Variants in OR6F1 observed in about 807,000 individuals in gnomAD.
The protein encoded by OR6F1 is olfactory receptor family 6 subfamily F member 1, also known as olfactory receptor 6F1.
For missense variants in OR6F1, 346 were observed against 376.0 expected (o/e 0.92, Z 0.66); for synonymous variants, 144 against 150.0 (o/e 0.96, Z 0.29).
Position 247,716,314 on chromosome 1 carries a change from T to A in OR6F1, c.-127+17A>T, listed in dbSNP as rs1660104053. ...TGGACAGAACTTGTCGAATGCATAA[T>A]CACCCTTTTCACTTACCCAGTTGAA... On this transcript the variant is annotated intron_variant, in intron 1 of 2. Transcript: ENST00000641470. 1 of 152,164 alleles carries A rather than the reference T, an allele frequency of 6.6e-6. No homozygotes were observed. The highest frequency in any genetic ancestry group is 6.5e-5 in the Admixed American group (1 of 15,272). 9.4% of individuals were successfully genotyped at this position (152,164 alleles called of 1,614,324 possible).
Position 247,715,530 on chromosome 1 carries a change from C to T in OR6F1, c.-127+801G>A, listed in dbSNP as rs534957442. ...ACGTGAAGCACATGATGATCAACCC[C>T]ACATGTGAAAACCTGTATATATTGC... On this transcript the variant is annotated intron_variant, in intron 1 of 2. Coordinates refer to ENST00000641470, the MANE Select transcript of OR6F1 (RefSeq NM_001005286.2). 1.3e-4 allele frequency among the ~76,000 whole-genome samples: 20 copies of T among 152,274 alleles called. No homozygotes were observed. The South Asian group carries it at 4.1e-3, about 32-fold the overall frequency.
At position 247,711,820 on chromosome 1, in the gene OR6F1, A is replaced by G. The variant is rs970178361; in HGVS notation, c.*9T>C. ...CCATTTACAGGACATCTGTTGTGGT[A>G]GAGGAGATTTATTTTCCCTTCCATT... On this transcript the variant is annotated 3_prime_UTR_variant, in exon 3 of 3. Transcript: ENST00000641470. 5 of 1,573,990 alleles carry G rather than the reference A, an allele frequency of 3.2e-6. No individual in the cohort carries two copies. The highest frequency in any genetic ancestry group is 2.7e-5 in the African/African-American group (2 of 74,052).
rs1572459833 is a variant in OR6F1, at chr1:247,711,627, T to TA, written c.*201dup. ...ATTCAATGTATAATTATTTTTTGCTTAAAAATCCCATTTGCTTATGTCAAA... is the reference window on the plus strand; with the variant it reads ...ATTCAATGTATAATTATTTTTTGCTTAAAAAATCCCATTTGCTTATGTCAAA... On this transcript the variant is annotated 3_prime_UTR_variant, in exon 3 of 3. Coordinates refer to ENST00000641470, the MANE Select transcript of OR6F1 (RefSeq NM_001005286.2). The TA allele has an allele frequency of 2.2e-6, 1 of 462,682 alleles. No homozygotes were observed. Among genetic ancestry groups the TA allele is most frequent in the Non-Finnish European group, 3.8e-6 (1 of 262,882 alleles). 28.7% of individuals were successfully genotyped at this position (462,682 alleles called of 1,614,324 possible).
intron 1 of OR6F1, among the ~76,000 whole-genome samples, chr1:247,714,652 A>T (rs886556330): frequency 6.6e-6 from 1 of 152,146 alleles, no homozygotes; most frequent in Non-Finnish European, 1.5e-5. Flanking sequence ...GAAGAAGGAA[A>T]ATATTTTTTT....
In OR6F1 at chr1:247,712,358, C is replaced by T. The variant is rs1340300723; in HGVS notation, c.398G>A (p.Gly133Glu). The T allele has an allele frequency of 3.7e-6, 6 of 1,614,022 alleles. No individual in the cohort carries two copies. The African/African-American group carries it at 6.7e-5, about 18-fold the overall frequency. ...TGAGAGCAGGCTACTCATGATGGCT[C>T]CGTAGTGTAAAGGATAGCAGATGGC... ...CLAICYPLHY[G>E]AIMSSLLSAQ... Residue 133 changes from glycine to glutamate, a missense_variant, in exon 3 of 3, where the codon GGA becomes GAA. By Grantham distance (98) the Gly-to-Glu change is moderately conservative. Transcript: ENST00000641470.
Position 247,711,848 on chromosome 1 carries a change from T to G in OR6F1, c.908A>C (p.Lys303Thr), listed in dbSNP as rs762348638. 6.2e-7 allele frequency: 1 copy of G among 1,611,672 alleles called. No individual in the cohort carries two copies. Among genetic ancestry groups the G allele is most frequent in the Admixed American group, 1.7e-5 (1 of 59,962 alleles). ...GGAGATTTATTTTCCCTTCCATTTC[T>G]TCAGCAGAGTCTCTCTTACTTCCTT... ...RNKEVRETLL[K>T]KWKGK Residue 303 changes from lysine to threonine, a missense_variant, in exon 3 of 3, where the codon AAG becomes ACG. Lys to Thr is a moderately conservative substitution (Grantham distance 78). Transcript: ENST00000641470.
chr1:247,711,573 T>G lies in OR6F1; in HGVS notation c.*256A>C. 3.3e-6 allele frequency: 1 copy of G among 304,020 alleles called. No individual in the cohort carries two copies. The highest frequency in any genetic ancestry group is 6.1e-6 in the Non-Finnish European group (1 of 164,730). The allele number at this position is 304,020 out of a possible 1,614,324, so 18.8% of individuals were successfully genotyped here. Reference sequence around the variant, plus strand: ...CTCTTTTTATTGCAGATGTCTCTAATTTATAAACCAAAGTCCAGAGCAAAC... The same window carrying G: ...CTCTTTTTATTGCAGATGTCTCTAAGTTATAAACCAAAGTCCAGAGCAAAC... On this transcript the variant is annotated 3_prime_UTR_variant, in exon 3 of 3. Coordinates refer to ENST00000641470, the MANE Select transcript of OR6F1 (RefSeq NM_001005286.2).
chr1:247,712,209 G>A lies in OR6F1; in HGVS notation c.547C>T (p.Pro183Ser), dbSNP rs1292201888. The change falls in exon 3 of 3, where the codon CCC (proline) becomes TCC (serine). Residue 183 changes from proline to serine, a missense_variant. Physicochemically the swap from Pro to Ser is moderately conservative, Grantham distance 74. Transcript: ENST00000641470. ...TTGGTGCAGGCCAGGGCAATCCAGGGTGCAATGTCACAGAAGAAGTGGTTG... is the reference window on the plus strand; with the variant it reads ...TTGGTGCAGGCCAGGGCAATCCAGGATGCAATGTCACAGAAGAAGTGGTTG... ...AINHFFCDIA[P>S]WIALACTNTQ... 2 of 1,614,206 alleles carry A rather than the reference G, an allele frequency of 1.2e-6. No individual in the cohort carries two copies. The highest frequency in any genetic ancestry group is 1.1e-5 in the South Asian group (1 of 91,086).
At chr1:247,716,010 T>C (rs1161215311) in intron 1 of OR6F1, among the ~76,000 whole-genome samples, 7 of 152,104 alleles carry the variant, frequency 4.6e-5, no homozygotes, top group African/African-American at 1.7e-4. Context: ...CCTAGCACTT[T>C]GGGAGGTCAG....
intron 1 of OR6F1, among the ~76,000 whole-genome samples, 193 bp downstream of exon 1, chr1:247,716,138 A>G (rs1660100292): frequency 6.6e-6 from 1 of 152,112 alleles, no homozygotes; most frequent in South Asian, 2.1e-4. Context: ...CTGTAGTCCC[A>G]GCTACTCGGG....
At chr1:247,713,125 A>T (rs1161108194) in intron 2 of OR6F1, among the ~76,000 whole-genome samples, 1 of 152,192 alleles carries the variant, frequency 6.6e-6, no homozygotes, top group Non-Finnish European at 1.5e-5. Context: ...CCCAGATTAC[A>T]TCTAAACCCA....
rs2103193694 is a variant in OR6F1 at position 247,716,450 on chromosome 1, C to G, written c.-246G>C. 6.6e-6 allele frequency: 1 copy of G among 152,012 alleles called. No homozygotes were observed. Among genetic ancestry groups the G allele is most frequent in the South Asian group, 2.1e-4 (1 of 4,796 alleles). 9.4% of individuals were successfully genotyped at this position (152,012 alleles called of 1,614,324 possible). A position where few individuals can be genotyped will look rare whatever the true frequency, so the allele number is the denominator to read the frequency against. On this transcript the variant is annotated 5_prime_UTR_variant, in exon 1 of 3. Transcript: ENST00000641470. ...ATAATATATTTTGATTGCAATTATT[C>G]CCTCTATATCTCTGTTTTTCTTTGA...
intron 2 of OR6F1, among the ~76,000 whole-genome samples, chr1:247,713,512 G>A (rs555687686): frequency 6.6e-6 from 1 of 152,310 alleles, no homozygotes; most frequent in South Asian, 2.1e-4. Context: ...GAAAGCAGGT[G>A]AAGGGCAAAA....
chr1:247,714,568 CT>C (rs1287638658), intron 1 of OR6F1, among the ~76,000 whole-genome samples: 4 of 152,172 alleles, frequency 2.6e-5, no homozygotes, highest in Non-Finnish European at 5.9e-5. Flanking sequence ...TGTCAATAAA[CT>C]TCTGTTTTTT....
chr1:247,712,412 A>G lies in OR6F1; in HGVS notation c.344T>C (p.Leu115Pro), dbSNP rs1313060742. The change falls in exon 3 of 3, where the codon CTG becomes CCG. Residue 115 changes from leucine (L) to proline (P), a missense_variant. Coordinates refer to ENST00000641470, the MANE Select transcript of OR6F1 (RefSeq NM_001005286.2). ...FSLGCTEYFLLAAMAYDRCLA... is the reference protein window; with the variant it reads ...FSLGCTEYFLPAAMAYDRCLA... ...ACAGCGGTCATAAGCCATGGCTGCC[A>G]GGAGGAAGTACTCTGTGCAGCCTAA... The G allele has an allele frequency of 4.3e-6, 7 of 1,613,730 alleles. No homozygotes were observed. The highest frequency in any genetic ancestry group is 1.1e-5 in the South Asian group (1 of 91,092).
In OR6F1 at chr1:247,712,704, G is replaced by A. The variant is rs868546565; in HGVS notation, c.52C>T (p.Pro18Ser). 1 of 1,610,044 alleles carries A rather than the reference G, an allele frequency of 6.2e-7. No homozygotes were observed. The highest frequency in any genetic ancestry group is 1.3e-5 in the African/African-American group (1 of 75,006). ...LPQDFLLLGF[P>S]GSQTLQLSLF... ...GAGAGCTGAAGAGTTTGAGAACCAGGAAAGCCCAGTAAGAGAAAGTCCTGG... is the reference window on the plus strand; with the variant it reads ...GAGAGCTGAAGAGTTTGAGAACCAGAAAAGCCCAGTAAGAGAAAGTCCTGG... The change falls in exon 3 of 3, where the codon CCT becomes TCT. Residue 18 changes from proline (P) to serine (S), a missense_variant. Transcript: ENST00000641470.
Position 247,712,505 on chromosome 1 carries a change from A to G in OR6F1, c.251T>C (p.Ile84Thr), listed in dbSNP as rs772962322. ...TATGGTCTGACTTCTCCCCAGTAGG[A>G]TGGCCAGTGCTTTGGGCACTGCTGC... ...TTAAVPKALA[I>T]LLGRSQTISF... is the part of the protein sequence containing the mutation. Residue 84 changes from isoleucine (I) to threonine (T), a missense_variant, in exon 3 of 3, where the codon ATC (isoleucine) becomes ACC (threonine). Ile to Thr is a moderately conservative substitution (Grantham distance 89). Coordinates refer to ENST00000641470, the MANE Select transcript of OR6F1 (RefSeq NM_001005286.2). 2.3e-5 allele frequency: 37 copies of G among 1,614,064 alleles called. No homozygotes were observed. The highest frequency in any genetic ancestry group is 4.4e-5 in the South Asian group (4 of 91,076).
At position 247,712,241 on chromosome 1, in the gene OR6F1, C is replaced by G. The variant is rs61730473; in HGVS notation, c.515G>C (p.Arg172Pro). The change falls in exon 3 of 3, where the codon CGT becomes CCT. Residue 172 changes from arginine (R) to proline (P), a missense_variant. Arg to Pro is a moderately radical substitution (Grantham distance 103, BLOSUM62 -2). Coordinates refer to ENST00000641470, the MANE Select transcript of OR6F1 (RefSeq NM_001005286.2). Reference sequence around the variant, plus strand: ...GTCACAGAAGAAGTGGTTGATGGCACGGGGGCCACAGAAGGACAGGCCACT... The same window carrying G: ...GTCACAGAAGAAGTGGTTGATGGCAGGGGGGCCACAGAAGGACAGGCCACT... ...LISGLSFCGP[R>P]AINHFFCDIA... 1.2e-6 allele frequency: 2 copies of G among 1,614,042 alleles called. No individual in the cohort carries two copies. The highest frequency in any genetic ancestry group is 1.1e-5 in the South Asian group (1 of 91,090).
chr1:247,712,391 C>T lies in OR6F1; in HGVS notation c.365G>A (p.Arg122His), dbSNP rs376953062. 25 of 1,613,986 alleles carry T rather than the reference C, an allele frequency of 1.5e-5. No individual in the cohort carries two copies. Among genetic ancestry groups the T allele is most frequent in the Admixed American group, 8.3e-5 (5 of 60,004 alleles). Residue 122 changes from arginine (R) to histidine (H), a missense_variant, in exon 3 of 3, where the codon CGC (arginine) becomes CAC (histidine). Arg to His is a conservative substitution (Grantham distance 29). Coordinates refer to ENST00000641470, the MANE Select transcript of OR6F1 (RefSeq NM_001005286.2). ...TAAAGGATAGCAGATGGCAAGACAG[C>T]GGTCATAAGCCATGGCTGCCAGGAG... ...YFLLAAMAYDRCLAICYPLHY... is the reference protein window; with the variant it reads ...YFLLAAMAYDHCLAICYPLHY...
Sources: allele counts gnomAD v4.1 joint callset (sites outside exome capture counted in the v4.1 genomes callset), GRCh38; gene constraint gnomAD v4.1.1; transcripts MANE v1.5; gene names NCBI Gene and HGNC (gene_info 2026-07-23, HGNC 2026-07-21).